Variants in MBOAT1 observed in about 807,000 individuals in gnomAD.
MBOAT1 encodes the protein membrane bound glycerophospholipid O-acyltransferase 1, also known as membrane-bound glycerophospholipid O-acyltransferase 1.
MBOAT1 carries 67 observed loss-of-function variants against 64.4 expected under a neutral mutation model. That is an observed-to-expected ratio of 1.04 (90% confidence interval 0.85 to 1.27). MBOAT1 has a LOEUF of 1.27. MBOAT1 is among the 50% of genes most tolerant of loss of function. The pLI is 0.00. For missense variants in MBOAT1, 563 were observed against 604.6 expected (o/e 0.93, Z 0.72); for synonymous variants, 229 against 218.9 (o/e 1.05, Z -0.41).
At chr6:20,200,810 G>A (rs1263808612) in intron 1 of MBOAT1, among the ~76,000 whole-genome samples, 3 of 152,086 alleles carry the variant, frequency 2.0e-5, no homozygotes, top group African/African-American at 7.2e-5. Context: ...GAAAGTGTAG[G>A]GTGACCGGTC....
Position 20,187,020 on chromosome 6 carries a change from T to C in MBOAT1, c.99+25116A>G, listed in dbSNP as rs548785917. ...TTATTGGGATAAAAATAACCTTTTA[T>C]GTTTATTCCTCTAAAACATCTTTGA... On this transcript the variant is annotated intron_variant, in intron 1 of 12. Coordinates refer to ENST00000324607, the MANE Select transcript of MBOAT1 (RefSeq NM_001080480.3). Among the ~76,000 whole-genome samples, 8 of 152,376 alleles carry C rather than the reference T, an allele frequency of 5.3e-5. No individual in the cohort carries two copies. The South Asian group carries it at 1.0e-3, about 20-fold the overall frequency.
intron 6 of MBOAT1, among the ~76,000 whole-genome samples, chr6:20,128,326 A>G (rs2483767): frequency 0.1 from 15,364 of 151,968 alleles, 1,037 homozygotes; most frequent in African/African-American, 0.19. Flanking sequence ...ATCATTCACT[A>G]TTCTTTAGGA....
At chr6:20,115,025 ACATAT>A (rs1760279406) in intron 10 of MBOAT1, among the ~76,000 whole-genome samples, 1 of 152,202 alleles carries the variant, frequency 6.6e-6, no homozygotes, top group Non-Finnish European at 1.5e-5. Flanking sequence ...AATACCCCCA[ACATAT>A]CATGAGATTG....
In MBOAT1 at chr6:20,126,644, A is replaced by G. The variant is rs1760661138; in HGVS notation, c.587T>C (p.Ile196Thr). The change falls in exon 7 of 13, where the codon ATA becomes ACA. Residue 196 changes from isoleucine to threonine, a missense_variant. Physicochemically the swap from Ile to Thr is moderately conservative, Grantham distance 89. Coordinates refer to ENST00000324607, the MANE Select transcript of MBOAT1 (RefSeq NM_001080480.3). The stretch of plus-strand genomic sequence containing the variant: ...CTTGAAATTGTTACAAGGACCAGCT[A>G]TGACACTCATGAAATTGAGAAGGTA... ...LSYLLNFMSV[I>T]AGPCNNFKDY... 3.7e-6 allele frequency: 6 copies of G among 1,613,702 alleles called. No individual in the cohort carries two copies. In the East Asian group the frequency reaches 1.1e-4, roughly 30 times the overall value.
chr6:20,102,949 T>C (rs1759844907), intron 12 of MBOAT1, among the ~76,000 whole-genome samples: 1 of 152,254 alleles, frequency 6.6e-6, no homozygotes, highest in Admixed American at 6.5e-5. Flanking sequence ...AACAATAGTA[T>C]GCTGCCAGTT....
rs762254139 is a variant in MBOAT1 at position 20,127,824 on chromosome 6, C to T, written c.530+875G>A. On this transcript the variant is annotated intron_variant, in intron 6 of 12. Transcript: ENST00000324607. ...TGTAAGGCCCTCCTGAAACCATCCCCCCACCACCACCCGCAACCCTGGGTC... is the reference window on the plus strand; with the variant it reads ...TGTAAGGCCCTCCTGAAACCATCCCTCCACCACCACCCGCAACCCTGGGTC... 1.7e-4 allele frequency among the ~76,000 whole-genome samples: 26 copies of T among 152,190 alleles called. 2 individuals carry two copies. The highest frequency in any genetic ancestry group is 3.4e-3 in the Middle Eastern group (1 of 294).
At chr6:20,117,253 C>T (rs541251902) in intron 9 of MBOAT1, among the ~76,000 whole-genome samples, 1 of 152,324 alleles carries the variant, frequency 6.6e-6, no homozygotes, top group South Asian at 2.1e-4. Context: ...TAGGACTATA[C>T]AAAAATGAGT....
At chr6:20,135,575 G>C (rs926271238) in intron 4 of MBOAT1, among the ~76,000 whole-genome samples, 2 of 152,148 alleles carry the variant, frequency 1.3e-5, no homozygotes, top group African/African-American at 4.8e-5. Flanking sequence ...GTAGAGTTCT[G>C]ATGTCCCAGT....
At chr6:20,181,217 G>A (rs1394446065) in intron 1 of MBOAT1, among the ~76,000 whole-genome samples, 2 of 152,146 alleles carry the variant, frequency 1.3e-5, no homozygotes, top group Admixed American at 1.3e-4. Flanking sequence ...CCGCTCCCCA[G>A]GTTCCACACT....
chr6:20,141,507 G>A (rs1241039831), intron 4 of MBOAT1, among the ~76,000 whole-genome samples: 3 of 151,664 alleles, frequency 2.0e-5, no homozygotes, highest in South Asian at 2.1e-4. Flanking sequence ...CTACAAGCAC[G>A]CACCATCACA....
At chr6:20,110,414 C>T (rs1760104940) in intron 11 of MBOAT1, among the ~76,000 whole-genome samples, 1 of 151,692 alleles carries the variant, frequency 6.6e-6, no homozygotes, top group Admixed American at 6.6e-5. Context: ...GTGGGTCTCA[C>T]TTTGCTGCCT....
chr6:20,137,662 C>A (rs900898669), intron 4 of MBOAT1, among the ~76,000 whole-genome samples: 4 of 152,048 alleles, frequency 2.6e-5, no homozygotes, highest in African/African-American at 7.2e-5. Context: ...ATGAAAAATA[C>A]AATTTCAAGT....
In MBOAT1 at chr6:20,120,759, C is replaced by T. The variant is rs149668716; in HGVS notation, c.908-2219G>A. Among the ~76,000 whole-genome samples, 35 of 152,258 alleles carry T rather than the reference C, an allele frequency of 2.3e-4. No individual in the cohort carries two copies. The East Asian group carries it at 5.0e-3, about 22-fold the overall frequency. Reference sequence around the variant, plus strand: ...CCACAACCTGAGCAGGTAAGAGCCACGCTGAAAGAGGAAAATGGTGAAAGG... The same window carrying T: ...CCACAACCTGAGCAGGTAAGAGCCATGCTGAAAGAGGAAAATGGTGAAAGG... On this transcript the variant is annotated intron_variant, in intron 8 of 12. Coordinates refer to ENST00000324607, the MANE Select transcript of MBOAT1 (RefSeq NM_001080480.3).
chr6:20,196,446 G>A (rs147323822), intron 1 of MBOAT1, among the ~76,000 whole-genome samples: 3 of 152,280 alleles, frequency 2.0e-5, no homozygotes, highest in African/African-American at 7.2e-5. Context: ...AGGAAGAAGG[G>A]GGGATAGGGA....
At chr6:20,106,698 A>G (rs992640511) in intron 12 of MBOAT1, among the ~76,000 whole-genome samples, 2 of 152,210 alleles carry the variant, frequency 1.3e-5, no homozygotes, top group African/African-American at 4.8e-5. Context: ...CTGGGATTAC[A>G]GGCATGAGCC....
chr6:20,144,123 A>G, intron 4 of MBOAT1, 97 bp downstream of exon 4: 1 of 765,396 alleles, frequency 1.3e-6, no homozygotes, highest in Non-Finnish European at 2.2e-6. Flanking sequence ...TTAACCAAGC[A>G]CCAACGATTC....
intron 1 of MBOAT1, among the ~76,000 whole-genome samples, chr6:20,179,921 G>GT (rs1762464227): frequency 1.0e-5 from 1 of 99,302 alleles, no homozygotes; most frequent in Admixed American, 1.2e-4. Flanking sequence ...GTGATGTTGA[G>GT]CTTTTTTTCA....
At chr6:20,188,322 C>G (rs1038465521) in intron 1 of MBOAT1, among the ~76,000 whole-genome samples, 1 of 152,108 alleles carries the variant, frequency 6.6e-6, no homozygotes, top group Non-Finnish European at 1.5e-5. Context: ...TCAGACAAAC[C>G]ATACCATACA....
chr6:20,130,379 A>T (rs142345724), intron 5 of MBOAT1, among the ~76,000 whole-genome samples: 333 of 152,032 alleles, frequency 2.2e-3, no homozygotes, highest in African/African-American at 7.3e-3. Context: ...GTTGTTATGG[A>T]GTCTCGCTCT....
Sources: allele counts gnomAD v4.1 joint callset (sites outside exome capture counted in the v4.1 genomes callset), GRCh38; gene constraint gnomAD v4.1.1; transcripts MANE v1.5; gene names NCBI Gene and HGNC (gene_info 2026-07-23, HGNC 2026-07-21).